The following AGTPBP1 variants were observed in gnomAD, a reference collection of about 807,000 sequenced individuals.
AGTPBP1 encodes ATP/GTP binding carboxypeptidase 1, also known as cytosolic carboxypeptidase 1.
A neutral mutation model predicts 143.9 loss-of-function variants in AGTPBP1; 70 were observed. The observed-to-expected ratio is 0.49, with a 90% CI of 0.40 to 0.59. The LOEUF (loss-of-function observed/expected upper bound fraction) is 0.59. AGTPBP1 is among the 20% of genes least tolerant of loss of function. The pLI is 0.00. For missense variants in AGTPBP1, 1,229 were observed against 1,464.5 expected, an observed-to-expected ratio of 0.84 and a Z score of 2.62; for synonymous variants, 463 against 500.2, an observed-to-expected ratio of 0.93 and a Z score of 0.99.
rs555967879 is a variant in AGTPBP1 at position 85,687,698 on chromosome 9, T to C, written c.157+4991A>G. 1.4e-4 allele frequency among the ~76,000 whole-genome samples: 22 copies of C among 152,088 alleles called. No individual in the cohort carries two copies. The South Asian group carries it at 4.2e-3, about 29-fold the overall frequency. ...CAAAAATACAATATATCAAAATCTGTAGAATGTAGCTAAAGCAGTGTTTAC... is the reference window on the plus strand; with the variant it reads ...CAAAAATACAATATATCAAAATCTGCAGAATGTAGCTAAAGCAGTGTTTAC... On this transcript the variant is annotated intron_variant, in intron 3 of 25. Transcript: ENST00000357081.
upstream of AGTPBP1, among the ~76,000 whole-genome samples, chr9:85,743,084 GA>G: frequency 6.6e-6 from 1 of 152,244 alleles, no homozygotes; most frequent in Middle Eastern, 3.4e-3. Context: ...AGCACTAAAA[GA>G]TAGGTTACGG....
rs1428834578 is a variant in AGTPBP1, at chr9:85,741,938, T to C, written c.-197A>G. The C allele has an allele frequency of 2.3e-6, 3 of 1,304,792 alleles. No individual in the cohort carries two copies. The highest frequency in any genetic ancestry group is 3.1e-5 in the African/African-American group (2 of 64,526). 80.8% of individuals were successfully genotyped at this position (1,304,792 alleles called of 1,614,324 possible). On this transcript the variant is annotated 5_prime_UTR_variant, in exon 1 of 26. Coordinates refer to ENST00000357081, the MANE Select transcript of AGTPBP1 (RefSeq NM_001330701.2). ...GCGGCGGCAGCTGCGGCGGCGGCGC[T>C]GGAGGCGGCGGAACCTGTCCGCATC...
chr9:85,739,211 G>T (rs1178003314), intron 1 of AGTPBP1, among the ~76,000 whole-genome samples: 1 of 152,146 alleles, frequency 6.6e-6, no homozygotes, highest in Non-Finnish European at 1.5e-5. Context: ...AATAACATCT[G>T]AAGTTTAAAA....
chr9:85,686,667 CAT>C (rs1200079568), intron 3 of AGTPBP1, among the ~76,000 whole-genome samples: 2 of 152,016 alleles, frequency 1.3e-5, no homozygotes, highest in Non-Finnish European at 2.9e-5. Flanking sequence ...ATAAACATAA[CAT>C]GTAAATCAAT....
At chr9:85,762,077 T>G in the AGTPBP1 span, among the ~76,000 whole-genome samples, 2 of 152,074 alleles carry the variant, frequency 1.3e-5, no homozygotes, top group Non-Finnish European at 2.9e-5. Flanking sequence ...TGAGATACCA[T>G]CTCACACCAG....
chr9:85,720,353 T>C (rs1056259179), intron 1 of AGTPBP1, among the ~76,000 whole-genome samples: 2 of 152,236 alleles, frequency 1.3e-5, no homozygotes, highest in African/African-American at 4.8e-5. Context: ...GTTATTGGTC[T>C]ATTCAGAGAT....
chr9:85,675,574 C>T (rs899450955), intron 6 of AGTPBP1, among the ~76,000 whole-genome samples: 2 of 152,152 alleles, frequency 1.3e-5, no homozygotes, highest in African/African-American at 2.4e-5. Flanking sequence ...CTCAACAATA[C>T]CCATATTGCA....
chr9:85,547,800 T>A (rs75188859), intron 25 of AGTPBP1, among the ~76,000 whole-genome samples: 2,148 of 152,232 alleles, frequency 0.014, 21 homozygotes, highest in Middle Eastern at 0.024. Flanking sequence ...AGGTCAAGAA[T>A]AAAACTGAAA....
intron 25 of AGTPBP1, among the ~76,000 whole-genome samples, chr9:85,564,866 T>G (rs1178741923): frequency 6.6e-6 from 1 of 152,198 alleles, no homozygotes; most frequent in Non-Finnish European, 1.5e-5. Context: ...TAAGCGAACA[T>G]TTTGGGACTA....
intron 13 of AGTPBP1, among the ~76,000 whole-genome samples, chr9:85,640,937 A>G (rs1832422789): frequency 6.6e-6 from 1 of 152,252 alleles, no homozygotes; most frequent in Admixed American, 6.5e-5. Context: ...CTGAAGTATT[A>G]AATGGAAAAG....
chr9:85,641,716 T>A (rs1233714921), intron 13 of AGTPBP1, among the ~76,000 whole-genome samples: 1 of 152,006 alleles, frequency 6.6e-6, no homozygotes, highest in Non-Finnish European at 1.5e-5. Context: ...TTTTTTTTTT[T>A]AGACGAAGTC....
At chr9:85,597,528 C>T (rs556095936) in intron 17 of AGTPBP1, among the ~76,000 whole-genome samples, 1 of 152,124 alleles carries the variant, frequency 6.6e-6, no homozygotes, top group South Asian at 2.1e-4. Context: ...TGCAAATCAA[C>T]TTTGTTATGT....
At chr9:85,607,869 A>G (rs1830079955) in intron 17 of AGTPBP1, among the ~76,000 whole-genome samples, 1 of 152,076 alleles carries the variant, frequency 6.6e-6, no homozygotes. Flanking sequence ...ATCTATCGTA[A>G]GCTGCATGTT....
chr9:85,632,605 C>G, intron 14 of AGTPBP1, 57 bp downstream of exon 14: 1 of 1,412,044 alleles, frequency 7.1e-7, no homozygotes, highest in Non-Finnish European at 9.6e-7. Context: ...TTTTTTAAGA[C>G]TGCCTCATAT....
chr9:85,669,482 C>A lies in AGTPBP1; in HGVS notation c.662+3G>T. 6.3e-7 allele frequency: 1 copy of A among 1,584,962 alleles called. No homozygotes were observed. Among genetic ancestry groups the A allele is most frequent in the South Asian group, 1.1e-5 (1 of 89,806 alleles). On this transcript the variant is annotated splice_donor_region_variant and intron_variant, in intron 8 of 25. Transcript: ENST00000357081. ...TATGTTTACATTCAAAACATTTACT[C>A]ACTTTATAAGACTGGAATTCTTCTT...
At chr9:85,696,671 A>C (rs1292973015) in intron 2 of AGTPBP1, among the ~76,000 whole-genome samples, 1 of 152,138 alleles carries the variant, frequency 6.6e-6, no homozygotes, top group Non-Finnish European at 1.5e-5. Flanking sequence ...CGTCTCAAAA[A>C]AAAAAAAAGT....
chr9:85,773,621 A>C, the AGTPBP1 span, among the ~76,000 whole-genome samples: 1 of 151,994 alleles, frequency 6.6e-6, no homozygotes, highest in Non-Finnish European at 1.5e-5. Flanking sequence ...TACAGACGTG[A>C]GCCACCGTGC....
chr9:85,616,631 AAAATT>A (rs1830617121), intron 17 of AGTPBP1, among the ~76,000 whole-genome samples: 1 of 151,996 alleles, frequency 6.6e-6, no homozygotes, highest in South Asian at 2.1e-4. Flanking sequence ...CCATACCAAT[AAAATT>A]AATTTAATTA....
At chr9:85,660,804 CA>C (rs1833809656) in intron 9 of AGTPBP1, 131 bp downstream of exon 9, 13 of 656,846 alleles carry the variant, frequency 2.0e-5, no homozygotes, top group Non-Finnish European at 3.2e-5. Flanking sequence ...AAGGAAAAAT[CA>C]ATTTTGACAT....
Sources: gnomAD v4.1 joint callset for allele counts (sites outside exome capture counted in the v4.1 genomes callset) on GRCh38, gnomAD v4.1.1 for gene constraint, MANE v1.5 for transcripts, NCBI Gene and HGNC (gene_info 2026-07-23, HGNC 2026-07-21) for gene names.